LRMDA: variants seen among roughly 807,000 people sequenced by gnomAD.
The protein encoded by LRMDA is leucine rich melanocyte differentiation associated, also known as leucine-rich melanocyte differentiation-associated protein.
In LRMDA, 18 loss-of-function variants were observed where a neutral mutation model predicts 29.8. The observed-to-expected ratio is 0.60, with a 90% CI of 0.42 to 0.90. LRMDA has a LOEUF of 0.90. Ranked by LOEUF, LRMDA falls within the 40% of genes least tolerant of loss-of-function variation. The pLI is 0.00. For synonymous variants in LRMDA, 125 were observed against 109.4 expected, an observed-to-expected ratio of 1.14 and a Z score of -0.89; for missense variants, 273 against 273.9, an observed-to-expected ratio of 1.00 and a Z score of 0.02.
intron 2 of LRMDA, among the ~76,000 whole-genome samples, chr10:75,510,184 C>G (rs547511913): frequency 6.6e-6 from 1 of 152,300 alleles, no homozygotes; most frequent in East Asian, 1.9e-4. Flanking sequence ...GTACTTGGTG[C>G]TTGCTTTCTT....
intron 2 of LRMDA, among the ~76,000 whole-genome samples, chr10:75,793,648 A>G (rs1421170863): frequency 6.6e-6 from 1 of 152,174 alleles, no homozygotes; most frequent in Non-Finnish European, 1.5e-5. Flanking sequence ...GAAAAGTGAT[A>G]TGTTACTTTG....
intron 6 of LRMDA, among the ~76,000 whole-genome samples, chr10:76,556,980 C>T (rs992909241): frequency 6.6e-6 from 1 of 152,112 alleles, no homozygotes; most frequent in East Asian, 1.9e-4. Context: ...AGTGATATTC[C>T]TAGGAGCCTA....
chr10:75,593,062 A>G (rs1485563567), intron 2 of LRMDA, among the ~76,000 whole-genome samples: 2 of 152,156 alleles, frequency 1.3e-5, no homozygotes, highest in African/African-American at 4.8e-5. Flanking sequence ...GAGCACTTTG[A>G]AACACATTGT....
At chr10:76,006,085 G>A (rs530339669) in intron 2 of LRMDA, among the ~76,000 whole-genome samples, 3 of 152,198 alleles carry the variant, frequency 2.0e-5, no homozygotes, top group South Asian at 4.2e-4. Flanking sequence ...GAACAGATCC[G>A]CCAATGAGAA....
intron 6 of LRMDA, among the ~76,000 whole-genome samples, chr10:76,443,784 G>A (rs1445984551): frequency 1.3e-5 from 2 of 152,150 alleles, no homozygotes. Flanking sequence ...CTCATTGGAT[G>A]CCAGAATATT....
At chr10:75,920,301 C>T (rs1298842736) in intron 2 of LRMDA, among the ~76,000 whole-genome samples, 2 of 152,110 alleles carry the variant, frequency 1.3e-5, no homozygotes, top group Non-Finnish European at 2.9e-5. Context: ...GTTGATGGCA[C>T]ATTTGACTTA....
chr10:75,629,868 A>C (rs1256980145), intron 2 of LRMDA, among the ~76,000 whole-genome samples: 1 of 152,212 alleles, frequency 6.6e-6, no homozygotes, highest in Non-Finnish European at 1.5e-5. Context: ...CCACTTCAGT[A>C]ATAGACCTCT....
intron 5 of LRMDA, among the ~76,000 whole-genome samples, chr10:76,297,213 C>T (rs1287532875): frequency 6.6e-6 from 1 of 152,216 alleles, no homozygotes; most frequent in African/African-American, 2.4e-5. Flanking sequence ...CCAAAGTTCC[C>T]ACTCACATTG....
chr10:75,773,124 T>A (rs1472857205), intron 2 of LRMDA, among the ~76,000 whole-genome samples: 2 of 152,218 alleles, frequency 1.3e-5, no homozygotes, highest in Non-Finnish European at 2.9e-5. Context: ...TATGGGGGAC[T>A]GTCTCATATG....
intron 5 of LRMDA, among the ~76,000 whole-genome samples, chr10:76,267,823 C>G (rs1481615220): frequency 6.6e-6 from 1 of 152,044 alleles, no homozygotes; most frequent in African/African-American, 2.4e-5. Flanking sequence ...TAGAATGGTA[C>G]CCAATCTATT....
At chr10:75,528,680 G>A (rs1246214309) in intron 2 of LRMDA, among the ~76,000 whole-genome samples, 1 of 152,114 alleles carries the variant, frequency 6.6e-6, no homozygotes, top group Non-Finnish European at 1.5e-5. Context: ...ATTCTTAAAT[G>A]TGGGCAGAAA....
At chr10:76,109,962 C>T (rs922544215) in intron 5 of LRMDA, among the ~76,000 whole-genome samples, 1 of 152,160 alleles carries the variant, frequency 6.6e-6, no homozygotes, top group South Asian at 2.1e-4. Flanking sequence ...GACCTCTCTT[C>T]GTCTCGGGCT....
At chr10:75,500,361 A>G (rs1445045522) in intron 2 of LRMDA, among the ~76,000 whole-genome samples, 3 of 152,228 alleles carry the variant, frequency 2.0e-5, no homozygotes, top group African/African-American at 7.2e-5. Flanking sequence ...ATTTTATCAT[A>G]GGGTGAAGAA....
At chr10:75,650,345 C>A (rs1192662258) in intron 2 of LRMDA, among the ~76,000 whole-genome samples, 1 of 152,156 alleles carries the variant, frequency 6.6e-6, no homozygotes, top group Non-Finnish European at 1.5e-5. Context: ...TGTGGATGTC[C>A]AGTTTTCCAG....
intron 5 of LRMDA, chr10:76,319,320 T>C (rs1840740319): frequency 6.6e-6 from 1 of 152,262 alleles, no homozygotes; most frequent in African/African-American, 2.4e-5. Flanking sequence ...GTTAATTGTA[T>C]AATTAATTTC....
intron 2 of LRMDA, among the ~76,000 whole-genome samples, chr10:75,571,744 G>A (rs1840440502): frequency 6.6e-6 from 1 of 152,030 alleles, no homozygotes; most frequent in Non-Finnish European, 1.5e-5. Context: ...AGAGACTTTT[G>A]GGACTCTAGT....
At chr10:76,049,866 T>C (rs1366754030) in intron 4 of LRMDA, among the ~76,000 whole-genome samples, 2 of 152,332 alleles carry the variant, frequency 1.3e-5, no homozygotes, top group Middle Eastern at 3.4e-3. Flanking sequence ...TAAATTTATG[T>C]GACGTTTTCA....
At chr10:76,108,644 C>T (rs151253486) in intron 5 of LRMDA, among the ~76,000 whole-genome samples, 267 of 152,148 alleles carry the variant, frequency 1.8e-3, no homozygotes, top group African/African-American at 6.0e-3. Context: ...TGTTTTTATT[C>T]AATGAAATAT....
chr10:75,840,250 A>G lies in LRMDA; in HGVS notation c.132-195758A>G, dbSNP rs1381844408. ...CCAGGCTTCTCATCTTGATCCTTGG[A>G]CCCTTGACTACCACCAAAGGATTGA... is the stretch of plus-strand genomic sequence containing the variant. On this transcript the variant is annotated intron_variant, in intron 2 of 6. Transcript: ENST00000611255. Among the ~76,000 whole-genome samples, 5 of 115,066 alleles carry G rather than the reference A, an allele frequency of 4.3e-5. No individual in the cohort carries two copies. In the East Asian group the frequency reaches 9.6e-4, roughly 22 times the overall value. 75.5% of individuals were successfully genotyped at this position (115,066 alleles called of 152,430 possible).
Sources: gnomAD v4.1 joint callset for allele counts (sites outside exome capture counted in the v4.1 genomes callset) on GRCh38, gnomAD v4.1.1 for gene constraint, MANE v1.5 for transcripts, NCBI Gene and HGNC (gene_info 2026-07-23, HGNC 2026-07-21) for gene names.